Variants in CCDC91 observed in about 807,000 individuals in gnomAD.
CCDC91 encodes coiled-coil domain containing 91, also known as coiled-coil domain-containing protein 91.
CCDC91 carries 48 observed loss-of-function variants against 63.2 expected under a neutral mutation model. The observed-to-expected ratio is 0.76, with a 90% confidence interval of 0.60 to 0.97. CCDC91 has a LOEUF of 0.97. Among genes scored for constraint, CCDC91 ranks in the 50% least tolerant of loss-of-function variants. The pLI, the probability that CCDC91 is intolerant of heterozygous loss-of-function variation, is 0.00. For synonymous variants in CCDC91, 167 were observed against 165.8 expected, an observed-to-expected ratio of 1.01 and a Z score of -0.06; for missense variants, 500 against 494.6, an observed-to-expected ratio of 1.01 and a Z score of -0.10.
At chr12:28,504,804 C>G (rs565094164) in intron 12 of CCDC91, among the ~76,000 whole-genome samples, 205 of 152,012 alleles carry the variant, frequency 1.3e-3, no homozygotes, top group African/African-American at 4.8e-3. Flanking sequence ...GAAAAAAATG[C>G]CGTGTCTGGC....
In CCDC91 at chr12:28,249,110, T is replaced by C. The variant is rs111482298; in HGVS notation, c.-14-8092T>C. Among the ~76,000 whole-genome samples, 156 of 152,244 alleles carry C rather than the reference T, an allele frequency of 1.0e-3. 1 individual carries two copies. Among genetic ancestry groups the C allele is most frequent in the African/African-American group, 3.4e-3 (141 of 41,546 alleles). On this transcript the variant is annotated intron_variant, in intron 1 of 12. Coordinates refer to ENST00000536442, the MANE Select transcript of CCDC91 (RefSeq NM_018318.5). ...TATTTGCTTTGATAGCAGAAAGGAA[T>C]AGAAAGGCTGGAAGTTTGAGGAGAG...
intron 1 of CCDC91, chr12:28,256,630 T>G (rs1946474935): frequency 6.6e-6 from 1 of 152,382 alleles, no homozygotes; most frequent in Non-Finnish European, 1.5e-5. Flanking sequence ...TTGATTTATC[T>G]TGATCAGCCT....
At chr12:28,424,701 T>C (rs1948210233) in intron 8 of CCDC91, among the ~76,000 whole-genome samples, 1 of 152,166 alleles carries the variant, frequency 6.6e-6, no homozygotes, top group Non-Finnish European at 1.5e-5. Context: ...CACATTTCTT[T>C]CTTCTGTAAT....
chr12:28,451,241 A>G (rs1949788761), intron 10 of CCDC91, among the ~76,000 whole-genome samples: 1 of 151,728 alleles, frequency 6.6e-6, no homozygotes, highest in South Asian at 2.1e-4. Flanking sequence ...AGCTAGAGGC[A>G]GGGAAAGAAT....
intron 1 of CCDC91, among the ~76,000 whole-genome samples, chr12:28,227,484 T>C (rs1271083645): frequency 6.6e-6 from 1 of 152,086 alleles, no homozygotes; most frequent in Admixed American, 6.6e-5. Flanking sequence ...CTATTAGACC[T>C]TTTCCTTTTG....
intron 1 of CCDC91, among the ~76,000 whole-genome samples, chr12:28,231,264 C>T (rs888481056): frequency 6.6e-6 from 1 of 152,118 alleles, no homozygotes; most frequent in Non-Finnish European, 1.5e-5. Context: ...ATTTACATGC[C>T]AGGTAAATTT....
intron 7 of CCDC91, among the ~76,000 whole-genome samples, chr12:28,363,213 A>G (rs965814556): frequency 2.4e-4 from 36 of 152,206 alleles, no homozygotes; most frequent in Middle Eastern, 3.5e-3. Context: ...AGATTTTTCC[A>G]TCTACTTTTA....
At chr12:28,213,609 T>TA (rs1353590040) in intron 1 of CCDC91, among the ~76,000 whole-genome samples, 1 of 152,146 alleles carries the variant, frequency 6.6e-6, no homozygotes, top group African/African-American at 2.4e-5. Flanking sequence ...CCTGCTGGAG[T>TA]AGACATTGAA....
intron 11 of CCDC91, among the ~76,000 whole-genome samples, chr12:28,467,103 G>A (rs1950584024): frequency 6.6e-6 from 1 of 151,970 alleles, no homozygotes; most frequent in African/African-American, 2.4e-5. Context: ...AAAGGCCAGA[G>A]TATGCCCTTC....
chr12:28,446,615 A>G (rs531777969), intron 8 of CCDC91, among the ~76,000 whole-genome samples: 13 of 152,226 alleles, frequency 8.5e-5, no homozygotes, highest in Admixed American at 2.6e-4. Context: ...GGCTCATGCC[A>G]CTATGCCCAA....
intron 12 of CCDC91, among the ~76,000 whole-genome samples, chr12:28,530,879 G>T (rs1156238315): frequency 6.6e-6 from 1 of 152,032 alleles, no homozygotes; most frequent in African/African-American, 2.4e-5. Flanking sequence ...CATATGTTGG[G>T]AACTTAATCC....
chr12:28,393,229 T>TG (rs1488213765), intron 8 of CCDC91, among the ~76,000 whole-genome samples: 1 of 152,154 alleles, frequency 6.6e-6, no homozygotes, highest in Admixed American at 6.6e-5. Flanking sequence ...TACAAAATAT[T>TG]GGGAGCCCAG....
At chr12:28,509,624 T>C (rs1171146412) in intron 12 of CCDC91, among the ~76,000 whole-genome samples, 11 of 151,950 alleles carry the variant, frequency 7.2e-5, no homozygotes, top group Non-Finnish European at 1.6e-4. Context: ...AATCATTGTA[T>C]AATTAAATAT....
chr12:28,242,889 C>G (rs893515700), intron 1 of CCDC91, among the ~76,000 whole-genome samples: 1 of 152,056 alleles, frequency 6.6e-6, no homozygotes, highest in Non-Finnish European at 1.5e-5. Context: ...TGTGTAGCGC[C>G]TGCCCCCCTC....
At chr12:28,444,192 T>C (rs1400295292) in intron 8 of CCDC91, among the ~76,000 whole-genome samples, 1 of 152,200 alleles carries the variant, frequency 6.6e-6, no homozygotes, top group African/African-American at 2.4e-5. Context: ...TTAAATTATA[T>C]GTTATGAAAC....
chr12:28,226,498 A>G (rs377460201), intron 1 of CCDC91, among the ~76,000 whole-genome samples: 1 of 152,198 alleles, frequency 6.6e-6, no homozygotes, highest in African/African-American at 2.4e-5. Flanking sequence ...TATCTCTTGA[A>G]TAGTAATGGT....
At chr12:28,429,566 C>G (rs1182108912) in intron 8 of CCDC91, among the ~76,000 whole-genome samples, 2 of 151,980 alleles carry the variant, frequency 1.3e-5, no homozygotes, top group African/African-American at 2.4e-5. Context: ...GATAACAGAC[C>G]AGTCAATTCT....
At chr12:28,235,377 G>T (rs531923619) in intron 1 of CCDC91, among the ~76,000 whole-genome samples, 15 of 152,144 alleles carry the variant, frequency 9.9e-5, no homozygotes, top group Admixed American at 3.3e-4. Context: ...GAATATTTCT[G>T]GTGGATGTCA....
chr12:28,455,899 C>T (rs961378871), intron 11 of CCDC91, among the ~76,000 whole-genome samples: 3 of 151,952 alleles, frequency 2.0e-5, no homozygotes, highest in African/African-American at 7.2e-5. Context: ...GAGACTAAAG[C>T]TTACAGAGAT....
Sources: gnomAD v4.1 joint callset for allele counts (sites outside exome capture counted in the v4.1 genomes callset) on GRCh38, gnomAD v4.1.1 for gene constraint, MANE v1.5 for transcripts, NCBI Gene and HGNC (gene_info 2026-07-23, HGNC 2026-07-21) for gene names.